Variants in SV2C observed in about 807,000 individuals in gnomAD.
SV2C encodes solute carrier family 22 member B3.
In SV2C, 49 loss-of-function variants were observed where a neutral mutation model predicts 79.7. The ratio of observed to expected loss-of-function variants is 0.61; its 90% CI spans 0.49 to 0.78. The LOEUF (loss-of-function observed/expected upper bound fraction) is 0.78, where lower values mean the gene tolerates loss of function less well. Ranked by LOEUF, SV2C falls within the 30% of genes least tolerant of loss-of-function variation. The pLI is 0.00. For missense variants in SV2C, 833 were observed against 912.9 expected, an observed-to-expected ratio of 0.91 and a Z score of 1.13; for synonymous variants, 334 against 333.2, an observed-to-expected ratio of 1.00 and a Z score of -0.03.
the SV2C span, among the ~76,000 whole-genome samples, chr5:75,904,635 G>A: frequency 6.6e-6 from 1 of 152,150 alleles, no homozygotes; most frequent in African/African-American, 2.4e-5. Flanking sequence ...AACTCAATGA[G>A]CTTGCCTTCA....
the SV2C span, among the ~76,000 whole-genome samples, chr5:75,997,593 C>G: frequency 6.6e-6 from 1 of 152,132 alleles, no homozygotes; most frequent in Non-Finnish European, 1.5e-5. Flanking sequence ...TGAAAAAATG[C>G]TCATCATCAC....
intron 3 of SV2C, among the ~76,000 whole-genome samples, chr5:76,205,974 A>G (rs959334175): frequency 6.6e-6 from 1 of 152,216 alleles, no homozygotes; most frequent in Non-Finnish European, 1.5e-5. Flanking sequence ...AATCAGCTCT[A>G]TTTAAGACCT....
chr5:75,880,032 A>T, the SV2C span, among the ~76,000 whole-genome samples: 1 of 152,184 alleles, frequency 6.6e-6, no homozygotes, highest in Non-Finnish European at 1.5e-5. Context: ...CCTTTGAGCC[A>T]TGGCTGGAGC....
Position 76,270,957 on chromosome 5 carries a change from C to T in SV2C, c.914-14205C>T, listed in dbSNP as rs139390169. On this transcript the variant is annotated intron_variant, in intron 4 of 12. Transcript: ENST00000502798. ...CTAATTTTTGTATTTTTAGTAGAGA[C>T]GGGGTTTCACCATGTTGGCCACGCT... Among the ~76,000 whole-genome samples the T allele has an allele frequency of 6.5e-4, 98 of 151,904 alleles. No homozygotes were observed. The South Asian group carries it at 0.014, about 22-fold the overall frequency.
intron 4 of SV2C, among the ~76,000 whole-genome samples, chr5:76,268,527 G>T (rs776600453): frequency 1.4e-4 from 21 of 152,206 alleles, no homozygotes; most frequent in Non-Finnish European, 7.3e-5. Flanking sequence ...AGTGCCAGGT[G>T]CTTTTATTAA....
chr5:76,127,306 T>C (rs1201247819), intron 1 of SV2C, among the ~76,000 whole-genome samples: 2 of 152,220 alleles, frequency 1.3e-5, no homozygotes, highest in African/African-American at 4.8e-5. Flanking sequence ...TATGTGTGTT[T>C]GTCATGAACC....
intron 4 of SV2C, among the ~76,000 whole-genome samples, chr5:76,259,302 G>A (rs1215030964): frequency 4.6e-5 from 7 of 152,160 alleles, no homozygotes. Context: ...ACTCCCACCA[G>A]TGACGTATGA....
rs781176426 is a variant in SV2C, at chr5:76,285,259, C to T, written c.1011C>T (p.Leu337=). 1.2e-6 allele frequency: 2 copies of T among 1,614,066 alleles called. No individual in the cohort carries two copies. The highest frequency in any genetic ancestry group is 1.3e-5 in the African/African-American group (1 of 74,938). The change falls in exon 5 of 13, where the codon CTC becomes CTT. Residue 337 remains leucine (L), a synonymous_variant. Coordinates refer to ENST00000502798, the MANE Select transcript of SV2C (RefSeq NM_014979.4). The stretch of plus-strand genomic sequence containing the variant: ...CCTGTGTCTCCTCCGTGGTGGCCCT[C>T]ACATTCATGCCTGAAAGCCCACGAT... ...ALPCVSSVVA[L]TFMPESPRFL...
chr5:76,085,795 A>G (rs1747169839), intron 1 of SV2C, among the ~76,000 whole-genome samples: 1 of 149,674 alleles, frequency 6.7e-6, no homozygotes, highest in Non-Finnish European at 1.5e-5. Context: ...CAAATTTTCC[A>G]TGAATGGAAA....
chr5:76,293,900 A>G (rs2112509687), intron 8 of SV2C, among the ~76,000 whole-genome samples: 1 of 152,340 alleles, frequency 6.6e-6, no homozygotes, highest in African/African-American at 2.4e-5. Context: ...GCAGCTAGTA[A>G]GCGACAAGAC....
At chr5:76,129,740 C>T (rs1748819803) in intron 1 of SV2C, among the ~76,000 whole-genome samples, 1 of 152,126 alleles carries the variant, frequency 6.6e-6, no homozygotes, top group Admixed American at 6.6e-5. Flanking sequence ...TTGGAAACAG[C>T]TATGGCAGAA....
At chr5:75,936,001 T>G in the SV2C span, among the ~76,000 whole-genome samples, 2 of 152,242 alleles carry the variant, frequency 1.3e-5, no homozygotes, top group Non-Finnish European at 2.9e-5. Context: ...GTATGCTTCA[T>G]GTAGCATCAA....
intron 4 of SV2C, among the ~76,000 whole-genome samples, chr5:76,230,032 A>G (rs1745365724): frequency 1.3e-5 from 2 of 152,196 alleles, no homozygotes; most frequent in South Asian, 4.1e-4. Flanking sequence ...AGAGTTAGAG[A>G]ATCTGTCTGT....
At chr5:76,347,561 C>T (rs1448154193) in intron 12 of SV2C, among the ~76,000 whole-genome samples, 1 of 152,150 alleles carries the variant, frequency 6.6e-6, no homozygotes, top group Non-Finnish European at 1.5e-5. Flanking sequence ...TCTGGTGCCT[C>T]AGCCTCCCGA....
rs868555327 is a variant in SV2C at position 76,239,509 on chromosome 5, G to T, written c.913+29622G>T. Among the ~76,000 whole-genome samples, 3 of 152,168 alleles carry T rather than the reference G, an allele frequency of 2.0e-5. No homozygotes were observed. In the South Asian group the frequency reaches 6.2e-4, roughly 32 times the overall value. On this transcript the variant is annotated intron_variant, in intron 4 of 12. Transcript: ENST00000502798. The stretch of plus-strand genomic sequence containing the variant: ...TTGTCTCTGCCGCATGATACCTGGG[G>T]TCTTTGCTGGCAGTATTAAAGGCTG...
chr5:76,002,988 C>T, the SV2C span, among the ~76,000 whole-genome samples: 2 of 151,874 alleles, frequency 1.3e-5, no homozygotes, highest in Admixed American at 6.6e-5. Flanking sequence ...GGGAGGGGCC[C>T]GGTGGGAGGT....
At chr5:75,858,218 C>T in the SV2C span, among the ~76,000 whole-genome samples, 2 of 152,154 alleles carry the variant, frequency 1.3e-5, no homozygotes, top group Non-Finnish European at 2.9e-5. Flanking sequence ...TTCTCCCATT[C>T]AGCGTGATGC....
the SV2C span, among the ~76,000 whole-genome samples, chr5:75,991,799 G>C: frequency 2.0e-5 from 3 of 151,746 alleles, no homozygotes; most frequent in African/African-American, 7.2e-5. Flanking sequence ...AATTTAGCCA[G>C]CTATGCCAAC....
chr5:75,848,328 A>G, the SV2C span, among the ~76,000 whole-genome samples: 1 of 152,184 alleles, frequency 6.6e-6, no homozygotes, highest in African/African-American at 2.4e-5. Flanking sequence ...GAGTTATATC[A>G]GCAGTAGACA....
Sources: allele counts gnomAD v4.1 joint callset (sites outside exome capture counted in the v4.1 genomes callset), GRCh38; gene constraint gnomAD v4.1.1; transcripts MANE v1.5; gene names NCBI Gene and HGNC (gene_info 2026-07-23, HGNC 2026-07-21).